The following SCAF8 variants were observed in gnomAD, a reference collection of about 807,000 sequenced individuals.
The protein encoded by SCAF8 is SR-related CTD associated factor 8.
Under a neutral mutation model 140.5 loss-of-function variants are expected in SCAF8, and 23 were observed. The observed-to-expected ratio is 0.16, with a 90% CI of 0.12 to 0.23. The LOEUF (loss-of-function observed/expected upper bound fraction) is 0.23. Among genes scored for constraint, SCAF8 ranks in the 10% least tolerant of loss-of-function variants. The pLI, the probability that SCAF8 is intolerant of heterozygous loss-of-function variation, is 1.00. For synonymous variants in SCAF8, 575 were observed against 528.9 expected (o/e 1.09, Z -1.20); for missense variants, 1,397 against 1,555.7 (o/e 0.90, Z 1.72).
chr6:154,754,192 C>T (rs1304598105), intron 1 of SCAF8, among the ~76,000 whole-genome samples: 1 of 152,178 alleles, frequency 6.6e-6, no homozygotes, highest in African/African-American at 2.4e-5. Context: ...GTTTATTTAG[C>T]TGTTACTTGA....
chr6:154,808,920 A>T (rs559369616), intron 11 of SCAF8, 122 bp downstream of exon 11: 15 of 659,082 alleles, frequency 2.3e-5, no homozygotes, highest in African/African-American at 2.2e-4. Context: ...GTCTCTCGGA[A>T]AAAAAGTTAT....
rs1778503740 is a variant in SCAF8 at position 154,824,352 on chromosome 6, G to C, written c.2045G>C (p.Ser682Thr). ...CCTCCACCTCCTTTTTTAAGAGCAAGTTTTAACCCTTCACAACCACCACCT... is the reference window on the plus strand; with the variant it reads ...CCTCCACCTCCTTTTTTAAGAGCAACTTTTAACCCTTCACAACCACCACCT... ...PIPPPPFLRA[S>T]FNPSQPPPGF... Residue 682 changes from serine to threonine, a missense_variant, in exon 17 of 20, where the codon AGT becomes ACT. Physicochemically the swap from Ser to Thr is moderately conservative, Grantham distance 58 (BLOSUM62 1). Coordinates refer to ENST00000367178, the MANE Select transcript of SCAF8 (RefSeq NM_014892.5). The C allele has an allele frequency of 6.2e-7, 1 of 1,613,816 alleles. No homozygotes were observed. The highest frequency in any genetic ancestry group is 2.2e-5 in the East Asian group (1 of 44,882).
intron 1 of SCAF8, among the ~76,000 whole-genome samples, chr6:154,759,125 C>G (rs140956668): frequency 1.3e-5 from 2 of 152,086 alleles, no homozygotes; most frequent in Non-Finnish European, 2.9e-5. Flanking sequence ...TTTTTGCTTC[C>G]GGATTACTCA....
Position 154,822,339 on chromosome 6 carries a change from C to A in SCAF8, c.1856C>A (p.Thr619Asn), listed in dbSNP as rs377621837. ...ACGGTCCAGACAACTCAGAGCCCAA[C>A]TCCAGTTGAAAAGGAGACAGTGGTC... ...KETVQTTQSP[T>N]PVEKETVVTT... Residue 619 changes from threonine (T) to asparagine (N), a missense_variant, in exon 16 of 20, where the codon ACT becomes AAT. This residue lies in a region of SCAF8 where 930 missense variants were observed against 874.6 expected (regional missense o/e 1.06). Coordinates refer to ENST00000367178, the MANE Select transcript of SCAF8 (RefSeq NM_014892.5). 1 of 1,613,832 alleles carries A rather than the reference C, an allele frequency of 6.2e-7. No homozygotes were observed. The highest frequency in any genetic ancestry group is 8.5e-7 in the Non-Finnish European group (1 of 1,179,780).
intron 6 of SCAF8, among the ~76,000 whole-genome samples, chr6:154,796,353 T>TTCTCTCTCTCTC (rs532893908): frequency 4.3e-4 from 32 of 75,246 alleles, no homozygotes; most frequent in African/African-American, 6.3e-4. Context: ...TGCAATCCTG[T>TTCTCTCTCTCTC]TCTCTCTCTC....
chr6:154,789,544 ATTTT>A (rs905985637), intron 4 of SCAF8, among the ~76,000 whole-genome samples: 4 of 136,804 alleles, frequency 2.9e-5, no homozygotes, highest in Non-Finnish European at 4.8e-5. Flanking sequence ...AATGCTTCTA[ATTTT>A]TTTTTTTTTT....
At chr6:154,780,536 C>T (rs1264929352) in intron 3 of SCAF8, among the ~76,000 whole-genome samples, 6 of 151,796 alleles carry the variant, frequency 4.0e-5, no homozygotes, top group Admixed American at 2.6e-4. Context: ...CCCCCACCCC[C>T]GACTGGCCCT....
chr6:154,736,265 CTTTTTTTTTTTT>C (rs71021071), intron 1 of SCAF8, among the ~76,000 whole-genome samples: 1 of 78,442 alleles, frequency 1.3e-5, no homozygotes, highest in South Asian at 4.8e-4. Flanking sequence ...CCATCCAAGA[CTTTTTTTTTTTT>C]TTTTTTTTTG....
chr6:154,814,868 G>A (rs1164717518), intron 12 of SCAF8, among the ~76,000 whole-genome samples: 1 of 152,172 alleles, frequency 6.6e-6, no homozygotes, highest in Non-Finnish European at 1.5e-5. Context: ...AGGGGTTAAG[G>A]GGTTCTGATT....
chr6:154,802,485 TGC>T (rs1777799508), intron 7 of SCAF8, among the ~76,000 whole-genome samples: 1 of 151,800 alleles, frequency 6.6e-6, no homozygotes, highest in South Asian at 2.1e-4. Flanking sequence ...AGCCAGATGA[TGC>T]GTGCCTGTAA....
At chr6:154,738,288 T>G (rs947729437) in intron 1 of SCAF8, among the ~76,000 whole-genome samples, 1 of 152,154 alleles carries the variant, frequency 6.6e-6, no homozygotes, top group African/African-American at 2.4e-5. Context: ...CCAGACTTCA[T>G]GCAAGATATG....
intron 1 of SCAF8, among the ~76,000 whole-genome samples, chr6:154,756,822 G>A (rs1157225698): frequency 6.6e-6 from 1 of 151,992 alleles, no homozygotes; most frequent in African/African-American, 2.4e-5. Context: ...AGCCTCAGGA[G>A]TTTTAAGACC....
intron 6 of SCAF8, among the ~76,000 whole-genome samples, chr6:154,795,380 T>G (rs1777570690): frequency 6.6e-6 from 1 of 152,182 alleles, no homozygotes; most frequent in African/African-American, 2.4e-5. Flanking sequence ...GCACATAGTT[T>G]TGCCAAATAT....
chr6:154,778,134 GT>G, intron 3 of SCAF8, 89 bp downstream of exon 3: 1 of 695,198 alleles, frequency 1.4e-6, no homozygotes. Flanking sequence ...AGTTTAAATT[GT>G]TTTGATGGAC....
chr6:154,761,127 T>G (rs935001215), intron 1 of SCAF8, among the ~76,000 whole-genome samples: 3 of 152,138 alleles, frequency 2.0e-5, no homozygotes, highest in African/African-American at 7.2e-5. Flanking sequence ...TCTTAAAAGA[T>G]TATTTCTTAC....
chr6:154,746,069 C>A (rs1326769922), intron 1 of SCAF8, among the ~76,000 whole-genome samples: 1 of 151,980 alleles, frequency 6.6e-6, no homozygotes, highest in Non-Finnish European at 1.5e-5. Context: ...TATTTTTAGT[C>A]GAGTCGAGGT....
chr6:154,777,756 A>AT (rs1319594709), intron 2 of SCAF8, among the ~76,000 whole-genome samples: 1 of 152,212 alleles, frequency 6.6e-6, no homozygotes, highest in African/African-American at 2.4e-5. Flanking sequence ...ATTATTTTAT[A>AT]TCTGTGGTAA....
rs778637082 is a variant in SCAF8, at chr6:154,827,196, C to G, written c.2096C>G (p.Pro699Arg). Residue 699 changes from proline (P) to arginine (R), a missense_variant, in exon 18 of 20, where the codon CCA (proline) becomes CGA (arginine). Transcript: ENST00000367178. ...PPGFMPPPVP[P>R]PVVPPPTIPP... The stretch of plus-strand genomic sequence containing the variant: ...GGTTTCATGCCGCCTCCAGTTCCCC[C>G]ACCTGTTGTGCCACCCCCTACGATT... 101 of 1,604,684 alleles carry G rather than the reference C, an allele frequency of 6.3e-5. No homozygotes were observed. The highest frequency in any genetic ancestry group is 1.2e-4 in the Admixed American group (7 of 58,408).
At chr6:154,795,296 A>G (rs1334926360) in intron 6 of SCAF8, among the ~76,000 whole-genome samples, 157 bp downstream of exon 6, 1 of 152,238 alleles carries the variant, frequency 6.6e-6, no homozygotes, top group African/African-American at 2.4e-5. Flanking sequence ...GTCATTTAAT[A>G]GTGCATCATG....
Sources: allele counts gnomAD v4.1 joint callset (sites outside exome capture counted in the v4.1 genomes callset), GRCh38; gene constraint gnomAD v4.1.1; regional missense constraint gnomAD v4.1.1; transcripts MANE v1.5; gene names NCBI Gene and HGNC (gene_info 2026-07-23, HGNC 2026-07-21).